The following TTC7B variants were observed in gnomAD, a reference collection of about 807,000 sequenced individuals.
The protein encoded by TTC7B is tetratricopeptide repeat domain 7B.
TTC7B carries 28 observed loss-of-function variants against 106.8 expected under a neutral mutation model. The observed-to-expected ratio is 0.26, with a 90% CI of 0.19 to 0.36. The LOEUF (loss-of-function observed/expected upper bound fraction) is 0.36. Among genes scored for constraint, TTC7B ranks in the 10% least tolerant of loss-of-function variants. TTC7B has a pLI of 1.00. For synonymous variants in TTC7B, 405 were observed against 430.6 expected (o/e 0.94, Z 0.74); for missense variants, 862 against 1,076.4 (o/e 0.80, Z 2.79).
At chr14:90,593,343 A>G in intron 18 of TTC7B, 143 bp downstream of exon 18, 1 of 1,235,862 alleles carries the variant, frequency 8.1e-7, no homozygotes, top group Non-Finnish European at 1.1e-6. Context: ...ATTTTGGTGC[A>G]TGGCCGTGAA....
chr14:90,620,207 GTC>G (rs1055997850), intron 15 of TTC7B, among the ~76,000 whole-genome samples: 11 of 152,064 alleles, frequency 7.2e-5, no homozygotes, highest in African/African-American at 2.7e-4. Flanking sequence ...GAGGAATGTA[GTC>G]TCTGATCTAC....
At chr14:90,774,732 A>G (rs1347419379) in intron 3 of TTC7B, among the ~76,000 whole-genome samples, 1 of 152,088 alleles carries the variant, frequency 6.6e-6, no homozygotes, top group Non-Finnish European at 1.5e-5. Context: ...TCTTCATGTG[A>G]TCTTCCCCTA....
At chr14:90,610,019 A>C (rs183076222) in intron 17 of TTC7B, among the ~76,000 whole-genome samples, 1 of 152,256 alleles carries the variant, frequency 6.6e-6, no homozygotes, top group East Asian at 1.9e-4. Context: ...GCCTAAATTT[A>C]GGCTGTGTGT....
At chr14:90,724,791 C>T (rs115046178) in intron 5 of TTC7B, among the ~76,000 whole-genome samples, 1,875 of 152,288 alleles carry the variant, frequency 0.012, 40 homozygotes, top group African/African-American at 0.041. Flanking sequence ...AACGGGCTAA[C>T]ACAGCCCTGG....
At chr14:90,647,131 T>C (rs1053233116) in intron 13 of TTC7B, 108 bp from the exon 14 acceptor site, 2 of 860,596 alleles carry the variant, frequency 2.3e-6, no homozygotes, top group Non-Finnish European at 3.9e-6. Context: ...GGGCCCGTAT[T>C]TATTTAACTA....
chr14:90,602,235 A>T (rs765602475), intron 17 of TTC7B: 1 of 456,042 alleles, frequency 2.2e-6, no homozygotes, highest in South Asian at 1.5e-5. Flanking sequence ...TAGTTTGGGA[A>T]CACTGGGTCA....
chr14:90,780,666 A>T, intron 3 of TTC7B, 72 bp downstream of exon 3: 2 of 1,533,934 alleles, frequency 1.3e-6, no homozygotes, highest in Non-Finnish European at 1.8e-6. Flanking sequence ...GCCAAGGGTC[A>T]AATAGGCAGC....
rs114920158 is a variant in TTC7B, at chr14:90,712,885, A to G, written c.698+17190T>C. ...TTTCAAAACTTACTATAAAGCTACTATATTCAAGACAGTGTGGTATTGGCT... is the reference window on the plus strand; with the variant it reads ...TTTCAAAACTTACTATAAAGCTACTGTATTCAAGACAGTGTGGTATTGGCT... On this transcript the variant is annotated intron_variant, in intron 5 of 19. Coordinates refer to ENST00000328459, the MANE Select transcript of TTC7B (RefSeq NM_001010854.2). Among the ~76,000 whole-genome samples the G allele has an allele frequency of 7.6e-3, 1,160 of 152,316 alleles. 7 individuals are homozygous for G. The highest frequency in any genetic ancestry group is 0.026 in the African/African-American group (1,093 of 41,562).
chr14:90,640,061 T>G (rs898152471), intron 15 of TTC7B, among the ~76,000 whole-genome samples: 2 of 152,180 alleles, frequency 1.3e-5, no homozygotes, highest in Non-Finnish European at 2.9e-5. Context: ...CATGGATCGC[T>G]TGAGCTCAGG....
chr14:90,759,890 C>T lies in TTC7B; in HGVS notation c.446-14968G>A, dbSNP rs1007023514. 6.6e-6 allele frequency among the ~76,000 whole-genome samples: 1 copy of T among 152,200 alleles called. No individual in the cohort carries two copies. The highest frequency in any genetic ancestry group is 2.4e-5 in the African/African-American group (1 of 41,450). On this transcript the variant is annotated intron_variant, in intron 3 of 19. Coordinates refer to ENST00000328459, the MANE Select transcript of TTC7B (RefSeq NM_001010854.2). The surrounding 1 kb of genome is among the most constrained non-coding windows in gnomAD (Gnocchi z 4.1). ...CCCCTGTGCAGCAGGCACTGTTGTC[C>T]CTGGCGCACATGCAGGGAGATAAAG...
At chr14:90,613,429 G>A (rs915787749) in intron 16 of TTC7B, among the ~76,000 whole-genome samples, 4 of 152,224 alleles carry the variant, frequency 2.6e-5, no homozygotes, top group Non-Finnish European at 2.9e-5. Flanking sequence ...ATTTGTGACC[G>A]ATTGAGAATT....
intron 3 of TTC7B, chr14:90,766,720 G>A: frequency 6.5e-7 from 1 of 1,533,460 alleles, no homozygotes. Context: ...TGAGGATGAG[G>A]TGGAACGTGT....
In TTC7B at chr14:90,719,102, A is replaced by G. The variant is rs551951311; in HGVS notation, c.698+10973T>C. Among the ~76,000 whole-genome samples the G allele has an allele frequency of 2.0e-5, 3 of 152,128 alleles. No homozygotes were observed. The South Asian group carries it at 6.2e-4, about 32-fold the overall frequency. ...GTGGTGAAACCCCGTCGCTACAAAC[A>G]AACAAACAAACAAAAAAACAAAAAT... On this transcript the variant is annotated intron_variant, in intron 5 of 19. Coordinates refer to ENST00000328459, the MANE Select transcript of TTC7B (RefSeq NM_001010854.2).
intron 8 of TTC7B, among the ~76,000 whole-genome samples, chr14:90,679,356 G>A (rs1024064227): frequency 1.3e-5 from 2 of 152,134 alleles, no homozygotes; most frequent in African/African-American, 2.4e-5. Flanking sequence ...GCGCATGTAC[G>A]TTATTATGCT....
At chr14:90,746,116 C>A (rs1889959696) in intron 3 of TTC7B, among the ~76,000 whole-genome samples, 2 of 152,078 alleles carry the variant, frequency 1.3e-5, no homozygotes, top group African/African-American at 4.8e-5. Flanking sequence ...GAGAAATATT[C>A]CCTCTCTTTC....
chr14:90,643,924 G>A, intron 15 of TTC7B, 124 bp downstream of exon 15: 1 of 1,201,028 alleles, frequency 8.3e-7, no homozygotes, highest in Non-Finnish European at 1.2e-6. Flanking sequence ...ACAGTAAAGG[G>A]GATTTTATAT....
chr14:90,615,802 T>G (rs1291858362), intron 16 of TTC7B, among the ~76,000 whole-genome samples: 1 of 152,182 alleles, frequency 6.6e-6, no homozygotes, highest in Non-Finnish European at 1.5e-5. Context: ...GGATGCTCCT[T>G]AATAAGGGCT....
chr14:90,592,944 T>C (rs1892029637), intron 18 of TTC7B, among the ~76,000 whole-genome samples: 2 of 152,110 alleles, frequency 1.3e-5, no homozygotes, highest in South Asian at 4.1e-4. Context: ...GCCCCTTCCC[T>C]GGCTTTATAA....
intron 16 of TTC7B, among the ~76,000 whole-genome samples, chr14:90,611,098 G>A (rs1248229159): frequency 4.6e-5 from 7 of 152,132 alleles, no homozygotes; most frequent in Non-Finnish European, 1.0e-4. Context: ...TATGTCATTA[G>A]AAGACACAAA....
Sources: allele counts gnomAD v4.1 joint callset (sites outside exome capture counted in the v4.1 genomes callset), GRCh38; gene constraint gnomAD v4.1.1; non-coding constraint Gnocchi (gnomAD v3.1); transcripts MANE v1.5; gene names NCBI Gene and HGNC (gene_info 2026-07-23, HGNC 2026-07-21).